Variants in HYAL4 observed in about 807,000 individuals in gnomAD.
HYAL4 encodes hyaluronidase 4.
A neutral mutation model predicts 35.2 loss-of-function variants in HYAL4; 37 were observed. That is an observed-to-expected ratio of 1.05 (90% CI 0.81 to 1.38). The LOEUF (loss-of-function observed/expected upper bound fraction) is 1.38. HYAL4 is among the 40% of genes most tolerant of loss of function. The pLI is 0.00. For synonymous variants in HYAL4, 198 were observed against 203.2 expected (o/e 0.97, Z 0.22); for missense variants, 572 against 572.4 (o/e 1.00, Z 0.01).
At chr7:123,842,078 A>T (rs1806081929), upstream of HYAL4, among the ~76,000 whole-genome samples, 1 of 151,692 alleles carries the variant, frequency 6.6e-6, no homozygotes, top group Admixed American at 6.6e-5. Flanking sequence ...AGTTCTTTTA[A>T]TTGTGATGTT....
chr7:123,771,411 G>A, the HYAL4 span, among the ~76,000 whole-genome samples: 2,534 of 151,926 alleles, frequency 0.017, 37 homozygotes, highest in Middle Eastern at 0.031. Context: ...CTTTGTTGTG[G>A]GGCTGTCTGT....
At chr7:123,843,654 C>T (rs542159424), upstream of HYAL4, among the ~76,000 whole-genome samples, 17 of 151,982 alleles carry the variant, frequency 1.1e-4, no homozygotes, top group Non-Finnish European at 2.1e-4. Flanking sequence ...TACATTTGGT[C>T]TTTTCACATA....
At chr7:123,794,022 T>A in the HYAL4 span, among the ~76,000 whole-genome samples, 1 of 152,240 alleles carries the variant, frequency 6.6e-6, no homozygotes, top group Non-Finnish European at 1.5e-5. Context: ...TGAATAGTTT[T>A]GACCAAAGTG....
At chr7:123,847,311 C>G (rs754414840) in intron 1 of HYAL4, among the ~76,000 whole-genome samples, 1 of 151,890 alleles carries the variant, frequency 6.6e-6, no homozygotes, top group Non-Finnish European at 1.5e-5. Flanking sequence ...TGTATTTTTT[C>G]TAATCCTAGG....
At chr7:123,785,434 A>G in the HYAL4 span, among the ~76,000 whole-genome samples, 1 of 152,168 alleles carries the variant, frequency 6.6e-6, no homozygotes, top group Non-Finnish European at 1.5e-5. This position sits in a 1 kb window ranked among gnomAD's most constrained non-coding sequence, Gnocchi z 4.5. Context: ...TCACTTGGCT[A>G]GCTAGCCACT....
chr7:123,824,966 C>G (rs958069441), upstream of HYAL4, among the ~76,000 whole-genome samples: 1 of 152,092 alleles, frequency 6.6e-6, no homozygotes, highest in Non-Finnish European at 1.5e-5. Flanking sequence ...GGACAGTGCT[C>G]TCTACTTCAA....
At chr7:123,778,399 G>T in the HYAL4 span, among the ~76,000 whole-genome samples, 1 of 151,892 alleles carries the variant, frequency 6.6e-6, no homozygotes, top group Non-Finnish European at 1.5e-5. Context: ...AATTGACGGG[G>T]GTTCAATTCA....
chr7:123,768,339 T>C, the HYAL4 span, among the ~76,000 whole-genome samples: 23 of 152,366 alleles, frequency 1.5e-4, no homozygotes, highest in African/African-American at 4.6e-4. Context: ...GTTTGGTTGA[T>C]ATAATTTAAG....
the HYAL4 span, among the ~76,000 whole-genome samples, chr7:123,765,203 TAAAA>T: frequency 2.6e-5 from 4 of 151,882 alleles, no homozygotes; most frequent in Non-Finnish European, 5.9e-5. Flanking sequence ...CAGTGATAAA[TAAAA>T]AAAATTGTCA....
upstream of HYAL4, among the ~76,000 whole-genome samples, chr7:123,843,406 A>G (rs754292747): frequency 5.3e-5 from 8 of 151,880 alleles, no homozygotes; most frequent in Non-Finnish European, 1.2e-4. Context: ...TGGTAACTCG[A>G]CCTTTCTCTC....
the HYAL4 span, among the ~76,000 whole-genome samples, chr7:123,812,248 G>C: frequency 1.3e-5 from 2 of 152,178 alleles, no homozygotes; most frequent in Admixed American, 1.3e-4. Context: ...AAAAATTCAA[G>C]TGTATGTGTG....
chr7:123,805,969 G>T, the HYAL4 span, among the ~76,000 whole-genome samples: 1 of 152,032 alleles, frequency 6.6e-6, no homozygotes, highest in Non-Finnish European at 1.5e-5. Context: ...ACTCCAGCTT[G>T]GGTGACAACA....
At chr7:123,834,963 G>C (rs1217426046) in intron 1 of HYAL4, among the ~76,000 whole-genome samples, 1 of 152,002 alleles carries the variant, frequency 6.6e-6, no homozygotes, top group Non-Finnish European at 1.5e-5. Flanking sequence ...TTTTTGGTAT[G>C]TTGTTGGGTT....
chr7:123,821,413 C>T, the HYAL4 span, among the ~76,000 whole-genome samples: 6 of 152,104 alleles, frequency 3.9e-5, no homozygotes, highest in South Asian at 2.1e-4. Context: ...TGATTTTGAG[C>T]GTCTTTTCAT....
At chr7:123,855,160 T>G (rs1159751726) in intron 2 of HYAL4, among the ~76,000 whole-genome samples, 1 of 152,222 alleles carries the variant, frequency 6.6e-6, no homozygotes, top group East Asian at 1.9e-4. Context: ...TCATCCAATT[T>G]GCCAGGCTGT....
chr7:123,804,414 T>A, the HYAL4 span, among the ~76,000 whole-genome samples: 2 of 152,222 alleles, frequency 1.3e-5, no homozygotes, highest in African/African-American at 4.8e-5. Flanking sequence ...TCTCATTTAA[T>A]CAGCACTTCA....
chr7:123,841,252 G>GT (rs1160315493), upstream of HYAL4, among the ~76,000 whole-genome samples: 1 of 151,904 alleles, frequency 6.6e-6, no homozygotes, highest in African/African-American at 2.4e-5. Context: ...TAATCATATG[G>GT]TTTTTGTCAT....
chr7:123,842,259 G>C (rs1189396893), upstream of HYAL4, among the ~76,000 whole-genome samples: 2 of 152,006 alleles, frequency 1.3e-5, no homozygotes, highest in African/African-American at 2.4e-5. Context: ...TATTCACCCA[G>C]TAGTCATTTA....
At chr7:123,850,819 C>G (rs751179507) in intron 2 of HYAL4, among the ~76,000 whole-genome samples, 5 of 152,128 alleles carry the variant, frequency 3.3e-5, no homozygotes, top group Non-Finnish European at 7.4e-5. Context: ...CAAGAGAATT[C>G]CAGAACGACC....
Sources: gnomAD v4.1 joint callset for allele counts (sites outside exome capture counted in the v4.1 genomes callset) on GRCh38, gnomAD v4.1.1 for gene constraint, Gnocchi (gnomAD v3.1) non-coding constraint, MANE v1.5 for transcripts, NCBI Gene and HGNC (gene_info 2026-07-23, HGNC 2026-07-21) for gene names.